The following TXNDC15 variants were observed in gnomAD, a reference collection of about 807,000 sequenced individuals.
TXNDC15 encodes thioredoxin domain-containing protein 15.
TXNDC15 carries 24 observed loss-of-function variants against 35.0 expected under a neutral mutation model. The observed-to-expected ratio is 0.68, with a 90% confidence interval of 0.50 to 0.96. The LOEUF (loss-of-function observed/expected upper bound fraction) is 0.96, where lower values mean the gene tolerates loss of function less well. Among genes scored for constraint, TXNDC15 ranks in the 40% least tolerant of loss-of-function variants. The pLI is 0.00. For missense variants in TXNDC15, 385 were observed against 453.3 expected (o/e 0.85, Z 1.37); for synonymous variants, 169 against 174.0 (o/e 0.97, Z 0.23).
chr5:134,874,375 G>A lies in TXNDC15; in HGVS notation c.-53G>A, dbSNP rs1749984513. On this transcript the variant is annotated 5_prime_UTR_variant, in exon 1 of 5. Coordinates refer to ENST00000358387, the MANE Select transcript of TXNDC15 (RefSeq NM_024715.4). ...GGCTCTCCTCCCCCAGCCTTCCTCC[G>A]GCTGGCAGCACGACTCGCGTAGCCG... 2.0e-6 allele frequency: 3 copies of A among 1,490,588 alleles called. No individual in the cohort carries two copies. The highest frequency in any genetic ancestry group is 2.0e-5 in the Admixed American group (1 of 50,218). The allele number at this position is 1,490,588 out of a possible 1,614,324, so 92.3% of individuals were successfully genotyped here. A position where few individuals can be genotyped will look rare whatever the true frequency, so the allele number is the denominator to read the frequency against.
chr5:134,882,386 A>T (rs1750170728), intron 1 of TXNDC15, among the ~76,000 whole-genome samples: 1 of 149,918 alleles, frequency 6.7e-6, no homozygotes, highest in South Asian at 2.1e-4. Context: ...GGGGCTCCTC[A>T]CATCCCAGAC....
chr5:134,893,768 T>G lies in TXNDC15; in HGVS notation c.755+113T>G, dbSNP rs1386862699. The G allele has an allele frequency of 7.1e-6, 10 of 1,408,940 alleles. No homozygotes were observed. In the Admixed American group the frequency reaches 1.3e-4, roughly 18 times the overall value. The allele number at this position is 1,408,940 out of a possible 1,614,324, so 87.3% of individuals were successfully genotyped here. On this transcript the variant is annotated intron_variant, in intron 3 of 4. Coordinates refer to ENST00000358387, the MANE Select transcript of TXNDC15 (RefSeq NM_024715.4). ...AAGAGGGGGGGCATGAACTGTGTCC[T>G]GGGATGGAAGGCAAGGCAAGAGTGA...
chr5:134,901,491 T>C lies in TXNDC15; in HGVS notation c.*1806T>C, dbSNP rs1022693211. On this transcript the variant is annotated 3_prime_UTR_variant, in exon 5 of 5. Coordinates refer to ENST00000358387, the MANE Select transcript of TXNDC15 (RefSeq NM_024715.4). ...TTGAATCTTCACATGTGTGTACTTA[T>C]AAATACAAATGTAAGGAAAACTCTA... 6.6e-6 allele frequency: 1 copy of C among 152,274 alleles called. No individual in the cohort carries two copies. The highest frequency in any genetic ancestry group is 1.5e-5 in the Non-Finnish European group (1 of 68,050). The allele number at this position is 152,274 out of a possible 1,614,324, so 9.4% of individuals were successfully genotyped here.
intron 3 of TXNDC15, among the ~76,000 whole-genome samples, chr5:134,894,319 A>C (rs1411405448): frequency 6.6e-6 from 1 of 150,690 alleles, no homozygotes; most frequent in African/African-American, 2.4e-5. Flanking sequence ...CCTCCTGAGT[A>C]GCAGGACTAC....
chr5:134,880,617 A>G (rs1209944174), intron 1 of TXNDC15, among the ~76,000 whole-genome samples: 3 of 149,552 alleles, frequency 2.0e-5, no homozygotes, highest in African/African-American at 7.4e-5. Flanking sequence ...TTTTTTTTGT[A>G]TTTTTAGTAG....
chr5:134,896,253 TTAA>T (rs772375628), intron 3 of TXNDC15, 38 bp from the exon 4 acceptor site: 1 of 1,595,706 alleles, frequency 6.3e-7, no homozygotes, highest in East Asian at 2.2e-5. Flanking sequence ...AAGCCCTCTA[TTAA>T]TAATAAATTC....
intron 1 of TXNDC15, chr5:134,875,215 A>G: frequency 2.2e-6 from 1 of 456,300 alleles, no homozygotes; most frequent in Non-Finnish European, 4.4e-6. Context: ...CTCTAGAGGC[A>G]TGGCGAGGGT....
At position 134,899,682 on chromosome 5, in the gene TXNDC15, G is replaced by A; in HGVS notation, c.1080G>A (p.Glu360=). ...LIPGQEQEHV[E] ...CAGGACAAGAGCAGGAACATGTGGA[G>A]TAGTGATGGTCTGAAAGAAGTTGGA... Residue 360 remains glutamate, a synonymous_variant, in exon 5 of 5, where the codon GAG becomes GAA. Transcript: ENST00000358387. 2 of 1,591,672 alleles carry A rather than the reference G, an allele frequency of 1.3e-6. No homozygotes were observed. The highest frequency in any genetic ancestry group is 1.1e-5 in the South Asian group (1 of 87,484).
In TXNDC15 at chr5:134,899,605, A is replaced by T. The variant is rs1254496758; in HGVS notation, c.1003A>T (p.Ser335Cys). The T allele has an allele frequency of 6.2e-7, 1 of 1,613,824 alleles. No individual in the cohort carries two copies. The highest frequency in any genetic ancestry group is 2.2e-5 in the East Asian group (1 of 44,874). ...LLVFSLFFLI[S>C]FIMYATIRTE... is the part of the protein sequence containing the mutation. The stretch of plus-strand genomic sequence containing the variant: ...TGTATTTTCCTTATTCTTTTTAATT[A>T]GTTTTATTATGTATGCTACCATTCG... The change falls in exon 5 of 5, where the codon AGT (serine) becomes TGT (cysteine). Residue 335 changes from serine to cysteine, a missense_variant. Ser to Cys is a moderately radical substitution (Grantham distance 112). Transcript: ENST00000358387.
rs996036686 is a variant in TXNDC15 at position 134,896,383 on chromosome 5, G to A, written c.845G>A (p.Arg282Gln). ...ATGGCCAGATTTAATCATACAGATC[G>A]AACACTGGAAACACTGAAAATCTTC... ...KPMARFNHTD[R>Q]TLETLKIFIF... Residue 282 changes from arginine to glutamine, a missense_variant, in exon 4 of 5, where the codon CGA becomes CAA. Coordinates refer to ENST00000358387, the MANE Select transcript of TXNDC15 (RefSeq NM_024715.4). 19 of 1,613,544 alleles carry A rather than the reference G, an allele frequency of 1.2e-5. 1 individual carries two copies. In the South Asian group the frequency reaches 1.8e-4, roughly 15 times the overall value.
chr5:134,880,358 T>G (rs950945762), intron 1 of TXNDC15, among the ~76,000 whole-genome samples: 1 of 152,214 alleles, frequency 6.6e-6, no homozygotes, highest in African/African-American at 2.4e-5. Context: ...CTTGAAGATT[T>G]TTGTCATGTG....
At position 134,899,517 on chromosome 5, in the gene TXNDC15, A is replaced by G. The variant is rs749067655; in HGVS notation, c.915A>G (p.Val305=). 1.2e-6 allele frequency: 2 copies of G among 1,613,588 alleles called. No individual in the cohort carries two copies. The highest frequency in any genetic ancestry group is 2.2e-5 in the South Asian group (2 of 90,852). The change falls in exon 5 of 5, where the codon GTA becomes GTG. Residue 305 remains valine, a synonymous_variant. Transcript: ENST00000358387. ...TGIEAKKNVV[V]TQADQIGPLP... ...TAGAAGCCAAGAAGAATGTGGTGGTAACTCAAGCCGACCAAATAGGCCCTC... is the reference window on the plus strand; with the variant it reads ...TAGAAGCCAAGAAGAATGTGGTGGTGACTCAAGCCGACCAAATAGGCCCTC...
chr5:134,892,489 A>G (rs1183258393), intron 2 of TXNDC15: 2 of 152,198 alleles, frequency 1.3e-5, no homozygotes, highest in Admixed American at 6.6e-5. Context: ...ATATTCATTG[A>G]GTAGCACTTA....
Position 134,874,435 on chromosome 5 carries a change from C to T in TXNDC15, c.8C>T (p.Pro3Leu), listed in dbSNP as rs1353282635. The T allele has an allele frequency of 1.2e-6, 2 of 1,600,024 alleles. No homozygotes were observed. The highest frequency in any genetic ancestry group is 1.7e-6 in the Non-Finnish European group (2 of 1,176,440). MV[P>L]AAGRRPPRVM... is the part of the protein sequence containing the mutation. ...TGCCTCTCGGCCTGGGCAATGGTCC[C>T]GGCTGCCGGTCGACGACCGCCCCGC... is the stretch of plus-strand genomic sequence containing the variant. The change falls in exon 1 of 5, where the codon CCG becomes CTG. Residue 3 changes from proline (P) to leucine (L), a missense_variant. Pro to Leu is a moderately conservative substitution (Grantham distance 98, BLOSUM62 -3). Transcript: ENST00000358387.
chr5:134,897,108 A>G (rs1750504711), intron 4 of TXNDC15, among the ~76,000 whole-genome samples: 1 of 150,252 alleles, frequency 6.7e-6, no homozygotes, highest in African/African-American at 2.5e-5. Flanking sequence ...TAATTTTTGT[A>G]TTTTTAGTAG....
intron 3 of TXNDC15, among the ~76,000 whole-genome samples, chr5:134,893,984 G>C (rs1307358995): frequency 1.3e-5 from 2 of 152,126 alleles, no homozygotes; most frequent in Non-Finnish European, 2.9e-5. Context: ...ATCACAGTAG[G>C]ATATTCCTTT....
chr5:134,877,765 G>A (rs1750069053), intron 1 of TXNDC15, among the ~76,000 whole-genome samples: 1 of 151,326 alleles, frequency 6.6e-6, no homozygotes. Context: ...GCGCCACCAT[G>A]CCTGGCTAAT....
Position 134,888,107 on chromosome 5 carries a change from C to T in TXNDC15, c.516C>T (p.Ser172=). The T allele has an allele frequency of 6.2e-7, 1 of 1,614,060 alleles. No individual in the cohort carries two copies. Among genetic ancestry groups the T allele is most frequent in the Middle Eastern group, 1.6e-4 (1 of 6,062 alleles). ...CCAATAACACTGAAAGTCTGAAATC[C>T]CCAAAGGTGAACTGTGAGGAGAGAA... is the stretch of plus-strand genomic sequence containing the variant. The part of the protein sequence containing the change: ...EDSNNTESLK[S]PKVNCEERNI... Residue 172 remains serine, a synonymous_variant, in exon 2 of 5, where the codon TCC becomes TCT. Coordinates refer to ENST00000358387, the MANE Select transcript of TXNDC15 (RefSeq NM_024715.4).
intron 1 of TXNDC15, among the ~76,000 whole-genome samples, chr5:134,886,507 G>C (rs779332424): frequency 8.5e-5 from 13 of 152,250 alleles, no homozygotes; most frequent in Admixed American, 2.0e-4. Context: ...ATAGATGTAC[G>C]AGACTACCTG....
Sources: allele counts gnomAD v4.1 joint callset (sites outside exome capture counted in the v4.1 genomes callset), GRCh38; gene constraint gnomAD v4.1.1; transcripts MANE v1.5; gene names NCBI Gene and HGNC (gene_info 2026-07-23, HGNC 2026-07-21).